Variants in POU6F2 observed in about 807,000 individuals in gnomAD.
POU6F2 encodes POU class 6 homeobox 2.
POU6F2 carries 31 observed loss-of-function variants against 71.3 expected under a neutral mutation model. The ratio of observed to expected loss-of-function variants is 0.43; its 90% confidence interval spans 0.33 to 0.59. The LOEUF is 0.59. Among genes scored for constraint, POU6F2 ranks in the 20% least tolerant of loss-of-function variants. The pLI is 0.04. For synonymous variants in POU6F2, 347 were observed against 355.7 expected (o/e 0.98, Z 0.27); for missense variants, 783 against 856.8 (o/e 0.91, Z 1.07).
intron 2 of POU6F2, among the ~76,000 whole-genome samples, chr7:39,197,340 A>G (rs1360269917): frequency 6.6e-6 from 1 of 152,210 alleles, no homozygotes; most frequent in Non-Finnish European, 1.5e-5. Flanking sequence ...GGAAGGTTAC[A>G]ATCCCTTGGG....
rs1162911845 is a variant in POU6F2, at chr7:39,339,858, A to G, written c.815A>G (p.Gln272Arg). Reference sequence around the variant, plus strand: ...CCGCCAGCTCCTACATCTCAGCTGCAACAGGCGCCTCAGCCCCAGCAGCAC... The same window carrying G: ...CCGCCAGCTCCTACATCTCAGCTGCGACAGGCGCCTCAGCCCCAGCAGCAC... The part of the protein sequence containing the change: ...QQPPAPTSQL[Q>R]QAPQPQQHQP... Residue 272 changes from glutamine to arginine, a missense_variant, in exon 5 of 10, where the codon CAA becomes CGA. Around this residue, in one of 2 missense-constraint regions of POU6F2, gnomAD observed 572 missense variants for 572.9 expected, o/e 1.00. Coordinates refer to ENST00000518318, the MANE Select transcript of POU6F2 (RefSeq NM_001370959.1). 1 of 1,609,734 alleles carries G rather than the reference A, an allele frequency of 6.2e-7. No individual in the cohort carries two copies. Among genetic ancestry groups the G allele is most frequent in the African/African-American group, 1.3e-5 (1 of 74,698 alleles).
chr7:39,036,341 A>G (rs1790063397), intron 1 of POU6F2, among the ~76,000 whole-genome samples: 1 of 152,198 alleles, frequency 6.6e-6, no homozygotes, highest in Non-Finnish European at 1.5e-5. Context: ...ATAGTCTTTT[A>G]GAATATGCTT....
chr7:39,119,374 T>A (rs778216895), intron 2 of POU6F2, among the ~76,000 whole-genome samples: 15 of 152,236 alleles, frequency 9.9e-5, no homozygotes, highest in Non-Finnish European at 1.5e-4. Flanking sequence ...TAAATATCAC[T>A]GTACACTGTG....
intron 5 of POU6F2, among the ~76,000 whole-genome samples, chr7:39,360,834 T>C (rs564697706): frequency 6.6e-6 from 1 of 152,298 alleles, no homozygotes; most frequent in African/African-American, 2.4e-5. Context: ...ATTTGTAAAC[T>C]CTCATGGTGC....
intron 4 of POU6F2, among the ~76,000 whole-genome samples, chr7:39,219,456 G>A (rs1794307236): frequency 6.6e-6 from 1 of 152,102 alleles, no homozygotes; most frequent in Admixed American, 6.6e-5. Flanking sequence ...TTTGGGTCAT[G>A]CCTGCTGTCC....
intron 7 of POU6F2, among the ~76,000 whole-genome samples, chr7:39,442,232 T>C (rs1025266391): frequency 6.6e-6 from 1 of 152,200 alleles, no homozygotes; most frequent in South Asian, 2.1e-4. Flanking sequence ...ACAGATGCCA[T>C]GAGCTCTTCC....
chr7:39,413,825 CAT>C, intron 6 of POU6F2, among the ~76,000 whole-genome samples: 1 of 152,342 alleles, frequency 6.6e-6, no homozygotes, highest in South Asian at 2.1e-4. Flanking sequence ...TTTCTACTAA[CAT>C]ATCAAATTTC....
At chr7:39,358,190 GT>G (rs201088771) in intron 5 of POU6F2, among the ~76,000 whole-genome samples, 2,885 of 151,708 alleles carry the variant, frequency 0.019, 28 homozygotes, top group Non-Finnish European at 0.029. Context: ...GTGATAGGTA[GT>G]TTTTTTTTAA....
At chr7:39,311,753 CA>C (rs1431649518) in intron 4 of POU6F2, among the ~76,000 whole-genome samples, 1 of 152,024 alleles carries the variant, frequency 6.6e-6, no homozygotes, top group African/African-American at 2.4e-5. Flanking sequence ...ACACAAATGA[CA>C]AGTTGTAAAA....
At chr7:39,400,396 C>A (rs1039568768) in intron 5 of POU6F2, among the ~76,000 whole-genome samples, 3 of 152,218 alleles carry the variant, frequency 2.0e-5, no homozygotes, top group Non-Finnish European at 4.4e-5. Context: ...GTTGCCCCCA[C>A]ACCTTGGGCT....
intron 5 of POU6F2, among the ~76,000 whole-genome samples, chr7:39,383,178 A>G (rs1393848422): frequency 6.6e-6 from 1 of 152,206 alleles, no homozygotes; most frequent in Non-Finnish European, 1.5e-5. Flanking sequence ...ACAATTTTCT[A>G]CAACAAATTT....
At chr7:39,001,671 ATGG>A (rs1483226264) in intron 1 of POU6F2, among the ~76,000 whole-genome samples, 2 of 908 alleles carry the variant, frequency 2.2e-3, no homozygotes, top group East Asian at 0.062. Flanking sequence ...GGTGGTGGTG[ATGG>A]TGATGGTGAT....
chr7:39,259,151 A>G (rs1439010293), intron 4 of POU6F2, among the ~76,000 whole-genome samples: 1 of 34,482 alleles, frequency 2.9e-5, no homozygotes, highest in Non-Finnish European at 6.9e-5. Context: ...TTTAAAGACT[A>G]TAGATATTAA....
chr7:39,360,097 C>T (rs925968989), intron 5 of POU6F2, among the ~76,000 whole-genome samples: 5 of 152,100 alleles, frequency 3.3e-5, no homozygotes, highest in Admixed American at 3.3e-4. Flanking sequence ...ATTTTACATG[C>T]AAGATTTGTT....
intron 4 of POU6F2, among the ~76,000 whole-genome samples, chr7:39,261,875 GT>G (rs1482294387): frequency 2.6e-5 from 4 of 152,212 alleles, no homozygotes; most frequent in African/African-American, 9.6e-5. Context: ...AGACATCAGA[GT>G]AGATGTAAAG....
intron 2 of POU6F2, among the ~76,000 whole-genome samples, chr7:39,098,013 A>G (rs1791488218): frequency 6.6e-6 from 1 of 152,216 alleles, no homozygotes; most frequent in African/African-American, 2.4e-5. Flanking sequence ...GACAAATGAC[A>G]TTAGCAATGT....
intron 4 of POU6F2, among the ~76,000 whole-genome samples, chr7:39,329,511 C>T (rs748528159): frequency 1.3e-5 from 2 of 152,060 alleles, no homozygotes; most frequent in African/African-American, 2.4e-5. Context: ...TCTTAGGCAC[C>T]GAAGTCACCG....
intron 6 of POU6F2, 107 bp from the exon 7 acceptor site, chr7:39,432,970 G>A (rs1177749625): frequency 1.9e-5 from 21 of 1,109,534 alleles, no homozygotes; most frequent in Admixed American, 6.7e-5. Flanking sequence ...CAGATTCTGA[G>A]TCGGCTCCCA....
At position 39,026,409 on chromosome 7, in the gene POU6F2, C is replaced by A. The variant is rs367937209; in HGVS notation, c.105+48351C>A. 5.9e-5 allele frequency among the ~76,000 whole-genome samples: 9 copies of A among 151,658 alleles called. No individual in the cohort carries two copies. In the South Asian group the frequency reaches 8.4e-4, roughly 14 times the overall value. ...ATGTGGCACATATACACCATGGAATCCTATGCAGCCATAAAAAATGATGAG... is the reference window on the plus strand; with the variant it reads ...ATGTGGCACATATACACCATGGAATACTATGCAGCCATAAAAAATGATGAG... On this transcript the variant is annotated intron_variant, in intron 1 of 9. Coordinates refer to ENST00000518318, the MANE Select transcript of POU6F2 (RefSeq NM_001370959.1).
Sources: allele counts gnomAD v4.1 joint callset (sites outside exome capture counted in the v4.1 genomes callset), GRCh38; gene constraint gnomAD v4.1.1; regional missense constraint gnomAD v4.1.1; transcripts MANE v1.5; gene names NCBI Gene and HGNC (gene_info 2026-07-23, HGNC 2026-07-21).